The following NRXN3 variants were observed in gnomAD, a reference collection of about 807,000 sequenced individuals.
NRXN3 encodes the protein neurexin III.
Under a neutral mutation model 137.6 loss-of-function variants are expected in NRXN3, and 32 were observed. That is an observed-to-expected ratio of 0.23 (90% CI 0.18 to 0.31). The LOEUF (loss-of-function observed/expected upper bound fraction) is 0.31. Ranked by LOEUF, NRXN3 falls within the 10% of genes least tolerant of loss-of-function variation. NRXN3 has a pLI of 1.00. For synonymous variants in NRXN3, 798 were observed against 784.5 expected (o/e 1.02, Z -0.29); for missense variants, 1,574 against 2,062.5 (o/e 0.76, Z 4.59).
chr14:79,847,874 G>A (rs946030272), intron 20 of NRXN3, among the ~76,000 whole-genome samples: 13 of 151,828 alleles, frequency 8.6e-5, no homozygotes, highest in African/African-American at 2.9e-4. Flanking sequence ...GAAACTGCCA[G>A]GAATTCTTTT....
At chr14:79,550,541 C>A (rs77591043) in intron 16 of NRXN3, among the ~76,000 whole-genome samples, 1 of 152,276 alleles carries the variant, frequency 6.6e-6, no homozygotes, top group African/African-American at 2.4e-5. Context: ...AACAGTGACA[C>A]TTGACAAATA....
chr14:79,656,177 G>T (rs2098504549), intron 16 of NRXN3, among the ~76,000 whole-genome samples: 1 of 152,186 alleles, frequency 6.6e-6, no homozygotes, highest in African/African-American at 2.4e-5. Flanking sequence ...TCTTTATGAA[G>T]ACCGCTGGGT....
At chr14:78,739,259 G>A (rs930649405) in intron 8 of NRXN3, among the ~76,000 whole-genome samples, 2 of 152,238 alleles carry the variant, frequency 1.3e-5, no homozygotes, top group African/African-American at 2.4e-5. Flanking sequence ...GCTGGTAACA[G>A]CCCAACAATG....
At chr14:79,764,420 G>T (rs184330655) in intron 19 of NRXN3, among the ~76,000 whole-genome samples, 6 of 152,262 alleles carry the variant, frequency 3.9e-5, no homozygotes, top group African/African-American at 1.2e-4. Flanking sequence ...AGCAATAATT[G>T]CATTGTAAAT....
Position 79,509,497 on chromosome 14 carries a change from T to C in NRXN3, c.3444+42095T>C, listed in dbSNP as rs375772406. Among the ~76,000 whole-genome samples the C allele has an allele frequency of 7.3e-5, 11 of 151,622 alleles. No individual in the cohort carries two copies. In the South Asian group the frequency reaches 1.7e-3, roughly 23 times the overall value. On this transcript the variant is annotated intron_variant, in intron 16 of 20. Coordinates refer to ENST00000335750, the MANE Select transcript of NRXN3 (RefSeq NM_001330195.2). ...CACCACTGCTCTACAGCCTGGCCAATAGAGGAAGGCTCTGTCTCAAAAAAA... is the reference window on the plus strand; with the variant it reads ...CACCACTGCTCTACAGCCTGGCCAACAGAGGAAGGCTCTGTCTCAAAAAAA...
chr14:78,759,606 C>T (rs956242779), intron 8 of NRXN3, among the ~76,000 whole-genome samples: 4 of 152,156 alleles, frequency 2.6e-5, no homozygotes, highest in African/African-American at 7.2e-5. Flanking sequence ...AAATTGGCCT[C>T]GCATTGCTTC....
At chr14:79,772,278 T>C (rs2099081099) in intron 19 of NRXN3, among the ~76,000 whole-genome samples, 1 of 151,990 alleles carries the variant, frequency 6.6e-6, no homozygotes, top group African/African-American at 2.4e-5. Flanking sequence ...AAAAACTACT[T>C]TAAAGTTCAT....
chr14:79,094,238 T>A (rs2049812592), intron 15 of NRXN3, among the ~76,000 whole-genome samples: 1 of 152,180 alleles, frequency 6.6e-6, no homozygotes, highest in South Asian at 2.1e-4. Context: ...AGCTAACCCC[T>A]GAATTGCCTA....
chr14:78,585,679 G>A (rs1450465513), intron 4 of NRXN3, among the ~76,000 whole-genome samples: 1 of 152,060 alleles, frequency 6.6e-6, no homozygotes, highest in African/African-American at 2.4e-5. Context: ...AGGGGCCAGG[G>A]TGACACCAAG....
chr14:79,292,003 T>C (rs1176452753), intron 15 of NRXN3, among the ~76,000 whole-genome samples: 7 of 152,116 alleles, frequency 4.6e-5, no homozygotes, highest in Admixed American at 6.5e-5. Flanking sequence ...ACTATTGTTA[T>C]CATGAATTTA....
intron 15 of NRXN3, among the ~76,000 whole-genome samples, chr14:79,079,948 A>AT (rs1568217258): frequency 6.6e-6 from 1 of 152,168 alleles, no homozygotes; most frequent in Admixed American, 6.5e-5. Flanking sequence ...AGATCATGCC[A>AT]TTGCACTCCA....
chr14:78,979,183 T>G (rs2099481574), intron 14 of NRXN3, among the ~76,000 whole-genome samples: 2 of 152,150 alleles, frequency 1.3e-5, no homozygotes, highest in South Asian at 4.1e-4. Flanking sequence ...CTCAAAGACA[T>G]ACCTGGAAAT....
chr14:79,257,343 CTGGTGGTGGTGGTGGTGGTGGTGG>C (rs577147425), intron 15 of NRXN3, among the ~76,000 whole-genome samples: 3 of 12,700 alleles, frequency 2.4e-4, no homozygotes, highest in African/African-American at 3.3e-4. Context: ...TGTCTTATTC[CTGGTGGTGGTGGTGGTGGTGGTGG>C]TGGTGGTGGT....
chr14:78,610,505 T>C (rs1055832916), intron 4 of NRXN3, among the ~76,000 whole-genome samples: 1 of 152,162 alleles, frequency 6.6e-6, no homozygotes, highest in Non-Finnish European at 1.5e-5. Flanking sequence ...CCTTCTCTTA[T>C]TTGCAAACTG....
At chr14:79,389,540 A>G (rs1883914262) in intron 15 of NRXN3, among the ~76,000 whole-genome samples, 2 of 152,232 alleles carry the variant, frequency 1.3e-5, no homozygotes, top group Admixed American at 6.5e-5. Context: ...GCATTTGGCA[A>G]ATAACCCAAA....
At chr14:78,745,907 C>T (rs569053245) in intron 8 of NRXN3, among the ~76,000 whole-genome samples, 5 of 152,296 alleles carry the variant, frequency 3.3e-5, no homozygotes, top group African/African-American at 1.2e-4. Context: ...CCTTTCTGAT[C>T]CTCACTTCCC....
At chr14:79,510,078 C>A (rs1344146317) in intron 16 of NRXN3, among the ~76,000 whole-genome samples, 1 of 152,136 alleles carries the variant, frequency 6.6e-6, no homozygotes, top group African/African-American at 2.4e-5. Flanking sequence ...TTGACCAAAC[C>A]AAAACACGTG....
chr14:78,727,830 C>G (rs906427760), intron 8 of NRXN3, among the ~76,000 whole-genome samples: 2 of 152,142 alleles, frequency 1.3e-5, no homozygotes, highest in African/African-American at 2.4e-5. Flanking sequence ...TGTTAAGTCA[C>G]ATATCTCAAA....
intron 4 of NRXN3, among the ~76,000 whole-genome samples, chr14:78,332,160 A>T (rs1033437965): frequency 2.6e-5 from 4 of 152,158 alleles, no homozygotes; most frequent in Non-Finnish European, 4.4e-5. Context: ...AAGTAAATTA[A>T]TTGGCATACA....
Sources: gnomAD v4.1 joint callset for allele counts (sites outside exome capture counted in the v4.1 genomes callset) on GRCh38, gnomAD v4.1.1 for gene constraint, MANE v1.5 for transcripts, NCBI Gene and HGNC (gene_info 2026-07-23, HGNC 2026-07-21) for gene names.